Variants in PTPRS observed in about 807,000 individuals in gnomAD.
PTPRS encodes the protein protein tyrosine phosphatase receptor type S.
In PTPRS, 63 loss-of-function variants were observed where a neutral mutation model predicts 215.3. That is an observed-to-expected ratio of 0.29 (90% CI 0.24 to 0.36). The LOEUF (loss-of-function observed/expected upper bound fraction) is 0.36, where lower values mean the gene tolerates loss of function less well. PTPRS is among the 10% of genes least tolerant of loss of function. PTPRS has a pLI of 1.00. For missense variants in PTPRS, 2,258 were observed against 2,825.8 expected, an observed-to-expected ratio of 0.80 and a Z score of 4.56; for synonymous variants, 1,404 against 1,191.4, an observed-to-expected ratio of 1.18 and a Z score of -3.68.
intron 2 of PTPRS, among the ~76,000 whole-genome samples, chr19:5,284,024 G>A (rs1245923116): frequency 6.6e-6 from 1 of 151,784 alleles, no homozygotes; most frequent in African/African-American, 2.4e-5. Context: ...AGACCAGTCC[G>A]GGCAACACAG....
chr19:5,217,495 C>T (rs970976159), intron 25 of PTPRS, among the ~76,000 whole-genome samples: 3 of 151,816 alleles, frequency 2.0e-5, no homozygotes, highest in African/African-American at 7.3e-5. Flanking sequence ...AATGGTCAAA[C>T]TCCTCATTTG....
chr19:5,211,257 T>C (rs1056950533), intron 33 of PTPRS, among the ~76,000 whole-genome samples: 2 of 152,142 alleles, frequency 1.3e-5, no homozygotes, highest in African/African-American at 2.4e-5. Flanking sequence ...CTGTGTACTG[T>C]AGGATGCTGA....
In PTPRS at chr19:5,292,331, C is replaced by T. The variant is rs183396614; in HGVS notation, c.-94-6097G>A. On this transcript the variant is annotated intron_variant, in intron 1 of 37. Coordinates refer to ENST00000262963, the MANE Select transcript of PTPRS (RefSeq NM_002850.4). ...ATGGAGACCGAGACGGGGACAGCCT[C>T]GCATCCACCCTAGGGGGTCTGGCAG... Among the ~76,000 whole-genome samples, 54 of 152,258 alleles carry T rather than the reference C, an allele frequency of 3.5e-4. 2 individuals are homozygous for T. The highest frequency in any genetic ancestry group is 1.0e-3 in the African/African-American group (43 of 41,564).
rs1341349011 is a variant in PTPRS, at chr19:5,293,280, TGGGGGCGGGGCAAGGGGCGGGGCTGTA to T, written c.-94-7073_-94-7047del. 50 of 54,648 alleles carry T rather than the reference TGGGGGCGGGGCAAGGGGCGGGGCTGTA, an allele frequency of 9.1e-4. No homozygotes were observed. Among genetic ancestry groups the T allele is most frequent in the Admixed American group, 7.3e-3 (39 of 5,328 alleles). 3.4% of individuals were successfully genotyped at this position (54,648 alleles called of 1,614,324 possible). Reference sequence around the variant, plus strand: ...AGGCCTCGGCCTGGGGAGCTCGGCCTGGGGGCGGGGCAAGGGGCGGGGCTGTAGGGGGCGGGGTTGCAGTGGGCGGGG... The same window carrying T: ...AGGCCTCGGCCTGGGGAGCTCGGCCTGGGGGCGGGGTTGCAGTGGGCGGGG... On this transcript the variant is annotated intron_variant, in intron 1 of 37. Transcript: ENST00000262963. This position sits in a 1 kb window ranked among gnomAD's most constrained non-coding sequence, Gnocchi z 8.4.
rs750942304 is a variant in PTPRS, at chr19:5,256,091, G to GA, written c.718+16dup. ...AAATGTGGGTAAAGAAAGTAAAAAA[G>GA]AAAAAAACACACCAACCTTCTCGAA... is the stretch of plus-strand genomic sequence containing the variant. On this transcript the variant is annotated intron_variant, in intron 9 of 37. Transcript: ENST00000262963. 3.5e-5 allele frequency: 53 copies of GA among 1,513,666 alleles called. No homozygotes were observed. The highest frequency in any genetic ancestry group is 1.7e-5 in the Admixed American group (1 of 58,252). 93.8% of individuals were successfully genotyped at this position (1,513,666 alleles called of 1,614,324 possible).
intron 4 of PTPRS, among the ~76,000 whole-genome samples, chr19:5,271,588 C>G (rs1262135656): frequency 6.6e-6 from 1 of 151,770 alleles, no homozygotes; most frequent in African/African-American, 2.4e-5. Flanking sequence ...TTAGTACAGA[C>G]AGGGTTTCAC....
In PTPRS at chr19:5,237,648, G is replaced by A. The variant is rs1039520562; in HGVS notation, c.1849+1271C>T. 3.3e-5 allele frequency among the ~76,000 whole-genome samples: 5 copies of A among 152,158 alleles called. No homozygotes were observed. Among genetic ancestry groups the A allele is most frequent in the Admixed American group, 1.3e-4 (2 of 15,290 alleles). On this transcript the variant is annotated intron_variant, in intron 13 of 37. Transcript: ENST00000262963. The surrounding 1 kb of genome is among the most constrained non-coding windows in gnomAD (Gnocchi z 4.2). ...GGCTGGGGCAGGCGGGGGGGCACGC[G>A]GGGTGGGCCGTTTTTGTGAACCTGC...
At position 5,205,982 on chromosome 19, in the gene PTPRS, G is replaced by GAAA. The variant is rs71743139; in HGVS notation, c.*789_*791dup. ...TTTATAAAAATGAAACAAAAAGGGG[G>GAAA]AAAAAAAAAGCCAAGAAAGAAAAAA... On this transcript the variant is annotated 3_prime_UTR_variant, in exon 38 of 38. Transcript: ENST00000262963. Among the ~76,000 whole-genome samples, 8,804 of 131,960 alleles carry GAAA rather than the reference G, an allele frequency of 0.067. 280 individuals are homozygous for GAAA. The highest frequency in any genetic ancestry group is 0.077 in the Non-Finnish European group (4,775 of 62,270). 86.6% of individuals were successfully genotyped at this position (131,960 alleles called of 152,430 possible).
At chr19:5,263,913 C>A (rs1041883156) in intron 5 of PTPRS, among the ~76,000 whole-genome samples, 3 of 152,208 alleles carry the variant, frequency 2.0e-5, no homozygotes, top group African/African-American at 7.2e-5. Context: ...GGGAGGCAGG[C>A]CAGGCCGGCA....
chr19:5,300,782 A>G (rs2049279576), intron 1 of PTPRS, among the ~76,000 whole-genome samples: 1 of 151,168 alleles, frequency 6.6e-6, no homozygotes, highest in Admixed American at 6.6e-5. Context: ...AAAAAAAAAA[A>G]AAAGAAAAGA....
chr19:5,325,853 C>CAGA (rs1262784404), intron 1 of PTPRS, among the ~76,000 whole-genome samples: 2 of 152,258 alleles, frequency 1.3e-5, no homozygotes, highest in East Asian at 3.8e-4. Flanking sequence ...AAGCAACGCT[C>CAGA]AGTTCAAGAA....
rs749891067 is a variant in PTPRS at position 5,218,408 on chromosome 19, A to T, written c.4048+12T>A. ...GTTGGTGGCATCCCTGGTACCAGGG[A>T]TAAGTACATACCTGGAGTCTGGAAG... On this transcript the variant is annotated intron_variant, in intron 25 of 37. Coordinates refer to ENST00000262963, the MANE Select transcript of PTPRS (RefSeq NM_002850.4). 6.2e-7 allele frequency: 1 copy of T among 1,609,736 alleles called. No homozygotes were observed. The highest frequency in any genetic ancestry group is 1.7e-4 in the Middle Eastern group (1 of 6,050).
In PTPRS at chr19:5,257,478, T is replaced by C. The variant is rs899933369; in HGVS notation, c.706+539A>G. 8.8e-6 allele frequency: 4 copies of C among 454,962 alleles called. No individual in the cohort carries two copies. In the East Asian group the frequency reaches 2.1e-4, roughly 24 times the overall value. The allele number at this position is 454,962 out of a possible 1,614,324, so 28.2% of individuals were successfully genotyped here. A position where few individuals can be genotyped will look rare whatever the true frequency, so the allele number is the denominator to read the frequency against. ...AGAAGGCGCCGGGCTCCGGACCAGC[T>C]GGTGGGGGGTGGGAGGGGCAGCCTC... On this transcript the variant is annotated intron_variant, in intron 8 of 37. Transcript: ENST00000262963. The surrounding 1 kb of genome is among the most constrained non-coding windows in gnomAD (Gnocchi z 4.4).
intron 20 of PTPRS, 72 bp from the exon 21 acceptor site, chr19:5,220,425 CG>C: frequency 7.9e-7 from 1 of 1,259,728 alleles, no homozygotes. Context: ...TGGGGGCAAA[CG>C]GGGGAAGCCG....
chr19:5,283,362 A>G (rs913300358), intron 2 of PTPRS, among the ~76,000 whole-genome samples: 13 of 152,340 alleles, frequency 8.5e-5, no homozygotes, highest in Admixed American at 7.2e-4. Flanking sequence ...AGACCACCTG[A>G]GGTCAGGAGT....
intron 1 of PTPRS, among the ~76,000 whole-genome samples, chr19:5,322,971 G>C (rs1364939706): frequency 6.6e-6 from 1 of 151,778 alleles, no homozygotes; most frequent in African/African-American, 2.4e-5. Context: ...CCCCTGGGAA[G>C]AGCTGCTTAG....
intron 19 of PTPRS, among the ~76,000 whole-genome samples, chr19:5,221,549 G>A (rs1314707644): frequency 6.6e-6 from 1 of 152,064 alleles, no homozygotes; most frequent in African/African-American, 2.4e-5. Context: ...AGTCCCGACT[G>A]AGCCCCAATC....
chr19:5,221,405 AGGCT>A (rs2041965990), intron 19 of PTPRS, 152 bp from the exon 20 acceptor site: 2 of 556,398 alleles, frequency 3.6e-6, no homozygotes, highest in Non-Finnish European at 5.8e-6. Context: ...CCCTGATCCC[AGGCT>A]GAGTCCCCAA....
chr19:5,223,968 C>G (rs1161917377), intron 17 of PTPRS, among the ~76,000 whole-genome samples: 1 of 151,788 alleles, frequency 6.6e-6, no homozygotes, highest in Non-Finnish European at 1.5e-5. Context: ...CATTTCAGGT[C>G]AGGAGTTCGA....
Sources: gnomAD v4.1 joint callset for allele counts (sites outside exome capture counted in the v4.1 genomes callset) on GRCh38, gnomAD v4.1.1 for gene constraint, Gnocchi (gnomAD v3.1) non-coding constraint, MANE v1.5 for transcripts, NCBI Gene and HGNC (gene_info 2026-07-23, HGNC 2026-07-21) for gene names.